MYOM3: variants seen among roughly 807,000 people sequenced by gnomAD.
MYOM3 encodes myomesin-3.
A neutral mutation model predicts 191.7 loss-of-function variants in MYOM3; 155 were observed. The ratio of observed to expected loss-of-function variants is 0.81; its 90% CI spans 0.71 to 0.92. The LOEUF (loss-of-function observed/expected upper bound fraction) is 0.92, where lower values mean the gene tolerates loss of function less well. Among genes scored for constraint, MYOM3 ranks in the 40% least tolerant of loss-of-function variants. The pLI, the probability that MYOM3 is intolerant of heterozygous loss-of-function variation, is 0.00. For synonymous variants in MYOM3, 757 were observed against 762.9 expected, an observed-to-expected ratio of 0.99 and a Z score of 0.13; for missense variants, 1,889 against 1,890.6, an observed-to-expected ratio of 1.00 and a Z score of 0.02.
At chr1:24,078,636 A>T (rs1169054222) in intron 20 of MYOM3, among the ~76,000 whole-genome samples, 1 of 152,168 alleles carries the variant, frequency 6.6e-6, no homozygotes, top group Non-Finnish European at 1.5e-5. Context: ...TGGGCTGGAG[A>T]AATACTTCCC....
chr1:24,077,451 C>G (rs1043321407), intron 20 of MYOM3, among the ~76,000 whole-genome samples: 3 of 152,196 alleles, frequency 2.0e-5, no homozygotes, highest in African/African-American at 7.2e-5. Flanking sequence ...CATTTCACAC[C>G]TCCCTGCCTT....
In MYOM3 at chr1:24,108,565, C is replaced by T. The variant is rs1044958510; in HGVS notation, c.72G>A (p.Leu24=). The change falls in exon 2 of 37, where the codon CTG becomes CTA. Residue 24 remains leucine (L), a synonymous_variant. Transcript: ENST00000374434. Reference sequence around the variant, plus strand: ...TCTGCTCCTCCTCCTGCCGGTGCTCCAGCCTGTGAACCTCCATGGCCTGGG... The same window carrying T: ...TCTGCTCCTCCTCCTGCCGGTGCTCTAGCCTGTGAACCTCCATGGCCTGGG... ...RPPQAMEVHR[L]EHRQEEEQKE... 1.3e-6 allele frequency: 2 copies of T among 1,578,948 alleles called. No individual in the cohort carries two copies. Among genetic ancestry groups the T allele is most frequent in the Admixed American group, 1.8e-5 (1 of 54,504 alleles).
chr1:24,095,506 CAG>C lies in MYOM3; in HGVS notation c.746-22_746-21del, dbSNP rs761465987. On this transcript the variant is annotated intron_variant, in intron 7 of 36. Coordinates refer to ENST00000374434, the MANE Select transcript of MYOM3 (RefSeq NM_152372.4). ...GGTAAGCTGAAAAACCAAAGGCAAA[CAG>C]AGTTGGAGAAGGTTCAGAGCCCACA... is the stretch of plus-strand genomic sequence containing the variant. 10 of 1,611,110 alleles carry C rather than the reference CAG, an allele frequency of 6.2e-6. No homozygotes were observed. The Admixed American group carries it at 1.3e-4, about 22-fold the overall frequency.
At chr1:24,099,862 G>A in intron 5 of MYOM3, 87 bp from the exon 6 acceptor site, 1 of 996,770 alleles carries the variant, frequency 1.0e-6, no homozygotes, top group Non-Finnish European at 1.6e-6. Flanking sequence ...CCAGCTGCAG[G>A]TTTTTGTTTT....
chr1:24,093,945 C>T (rs74061489), intron 9 of MYOM3, among the ~76,000 whole-genome samples: 1,737 of 152,220 alleles, frequency 0.011, 32 homozygotes, highest in African/African-American at 0.04. Flanking sequence ...TCCTCCCTCA[C>T]TGGGCCACGT....
At position 24,107,055 on chromosome 1, in the gene MYOM3, C is replaced by CA; in HGVS notation, c.402+17dup. 1 of 1,593,420 alleles carries CA rather than the reference C, an allele frequency of 6.3e-7. No individual in the cohort carries two copies. Among genetic ancestry groups the CA allele is most frequent in the Non-Finnish European group, 8.5e-7 (1 of 1,170,252 alleles). On this transcript the variant is annotated intron_variant, in intron 4 of 36. Transcript: ENST00000374434. ...TCGCAGGTCCCAGGCCCTGGGGCTC[C>CA]ACGGCCCACCCCCTTACCCGCCGCC...
intron 32 of MYOM3, 114 bp from the exon 33 acceptor site, chr1:24,062,223 G>T: frequency 9.2e-7 from 1 of 1,085,946 alleles, no homozygotes; most frequent in Non-Finnish European, 1.4e-6. Context: ...TATGGGTGGT[G>T]ACTATGAGGC....
chr1:24,109,752 A>C (rs1485807877), intron 1 of MYOM3, among the ~76,000 whole-genome samples: 3 of 152,250 alleles, frequency 2.0e-5, no homozygotes, highest in African/African-American at 7.2e-5. Context: ...GTCACCCAGC[A>C]TGATGGTGGG....
At chr1:24,080,472 A>G (rs1266817452) in intron 19 of MYOM3, among the ~76,000 whole-genome samples, 3 of 152,120 alleles carry the variant, frequency 2.0e-5, no homozygotes, top group Non-Finnish European at 4.4e-5. Flanking sequence ...CATCCCAGAC[A>G]GCATTAATCC....
At chr1:24,093,989 G>C (rs913258967) in intron 9 of MYOM3, among the ~76,000 whole-genome samples, 3 of 152,030 alleles carry the variant, frequency 2.0e-5, no homozygotes, top group Non-Finnish European at 2.9e-5. Flanking sequence ...GCTTCTCAAG[G>C]CCTCGCCTGA....
At position 24,066,003 on chromosome 1, in the gene MYOM3, TG is replaced by T; in HGVS notation, c.3424-3del. Reference sequence around the variant, plus strand: ...AGTCTCCTTCTTGGTGTTGGTCACCTGGGGAAGGTGGGGAATGAGGAGACTC... The same window carrying T: ...AGTCTCCTTCTTGGTGTTGGTCACCTGGGAAGGTGGGGAATGAGGAGACTC... On this transcript the variant is annotated splice_region_variant and splice_polypyrimidine_tract_variant and intron_variant, in intron 28 of 36. Transcript: ENST00000374434. The T allele has an allele frequency of 6.3e-7, 1 of 1,580,204 alleles. No homozygotes were observed. The highest frequency in any genetic ancestry group is 8.7e-7 in the Non-Finnish European group (1 of 1,148,956).
chr1:24,087,971 C>T lies in MYOM3; in HGVS notation c.1615-1144G>A, dbSNP rs1034848787. 2.6e-5 allele frequency among the ~76,000 whole-genome samples: 4 copies of T among 152,128 alleles called. No homozygotes were observed. The highest frequency in any genetic ancestry group is 7.2e-5 in the African/African-American group (3 of 41,410). ...GAGGAAAGTCAGGTTCAGAGAGTTT[C>T]GGTAACTTGGCCAAAAGTCCTGCAT... is the stretch of plus-strand genomic sequence containing the variant. On this transcript the variant is annotated intron_variant, in intron 14 of 36. Transcript: ENST00000374434. This position sits in a 1 kb window ranked among gnomAD's most constrained non-coding sequence, Gnocchi z 4.5.
Position 24,084,533 on chromosome 1 carries a change from G to C in MYOM3, c.1905C>G (p.Ile635Met), listed in dbSNP as rs756110070. ...VKDPELLGYY[I>M]YSRKVGTSEW... ...CAGATGTCCCCACCTTCCGGGAGTA[G>C]ATGTAATAACCCAGGAGCTCTGGGT... Residue 635 changes from isoleucine to methionine, a missense_variant, in exon 16 of 37, where the codon ATC (isoleucine) becomes ATG (methionine). By Grantham distance (10) the Ile-to-Met change is conservative (BLOSUM62 1). Coordinates refer to ENST00000374434, the MANE Select transcript of MYOM3 (RefSeq NM_152372.4). 1.9e-6 allele frequency: 3 copies of C among 1,614,220 alleles called. No homozygotes were observed. In the South Asian group the frequency reaches 3.3e-5, roughly 18 times the overall value.
In MYOM3 at chr1:24,095,459, T is replaced by A; in HGVS notation, c.773A>T (p.Asp258Val). ...RTYLGKDAGF[D>V]SEIFKRSTFG... ...CGACTTACTTTTGAAGATCTCTGAA[T>A]CGAAGCCAGCATCCTTCCCCAGGTA... The change falls in exon 8 of 37, where the codon GAT (aspartate) becomes GTT (valine). Residue 258 changes from aspartate (D) to valine (V), a missense_variant. Physicochemically the swap from Asp to Val is radical, Grantham distance 152 (BLOSUM62 -3). Coordinates refer to ENST00000374434, the MANE Select transcript of MYOM3 (RefSeq NM_152372.4). The A allele has an allele frequency of 6.2e-7, 1 of 1,613,146 alleles. No individual in the cohort carries two copies. Among genetic ancestry groups the A allele is most frequent in the Non-Finnish European group, 8.5e-7 (1 of 1,179,472 alleles).
chr1:24,096,912 C>T (rs923669278), intron 7 of MYOM3, among the ~76,000 whole-genome samples: 6 of 152,214 alleles, frequency 3.9e-5, no homozygotes, highest in East Asian at 1.9e-4. Context: ...TTAATCAACT[C>T]GGGCATCTGA....
chr1:24,095,070 G>T, intron 8 of MYOM3, 80 bp from the exon 9 acceptor site: 1 of 1,459,604 alleles, frequency 6.9e-7, no homozygotes. Flanking sequence ...GGAAATTTCT[G>T]GGGCATCCCT....
At chr1:24,093,747 C>T (rs1175183608) in intron 9 of MYOM3, among the ~76,000 whole-genome samples, 1 of 152,152 alleles carries the variant, frequency 6.6e-6, no homozygotes, top group East Asian at 1.9e-4. Context: ...GGAAGATCTA[C>T]ACGTTTGGGA....
At chr1:24,073,861 T>TAAAAA (rs55682709) in intron 23 of MYOM3, among the ~76,000 whole-genome samples, 1 of 81,518 alleles carries the variant, frequency 1.2e-5, no homozygotes, top group Non-Finnish European at 2.2e-5. Flanking sequence ...AGACTCCGTC[T>TAAAAA]AAAAAAAAAA....
intron 5 of MYOM3, among the ~76,000 whole-genome samples, chr1:24,101,828 C>T (rs181426582): frequency 2.0e-4 from 31 of 152,292 alleles, no homozygotes; most frequent in African/African-American, 6.7e-4. Flanking sequence ...CCCTGGATGC[C>T]GCCCTCATTT....
Sources: allele counts gnomAD v4.1 joint callset (sites outside exome capture counted in the v4.1 genomes callset), GRCh38; gene constraint gnomAD v4.1.1; non-coding constraint Gnocchi (gnomAD v3.1); transcripts MANE v1.5; gene names NCBI Gene and HGNC (gene_info 2026-07-23, HGNC 2026-07-21).